SORCS3: variants seen among roughly 807,000 people sequenced by gnomAD.
SORCS3 encodes the protein sortilin related VPS10 domain containing receptor 3.
A neutral mutation model predicts 146.3 loss-of-function variants in SORCS3; 57 were observed. The observed-to-expected ratio is 0.39, with a 90% CI of 0.31 to 0.49. The LOEUF (loss-of-function observed/expected upper bound fraction) is 0.49, where lower values mean the gene tolerates loss of function less well. Among genes scored for constraint, SORCS3 ranks in the 20% least tolerant of loss-of-function variants. The pLI, the probability that SORCS3 is intolerant of heterozygous loss-of-function variation, is 0.92. For synonymous variants in SORCS3, 653 were observed against 618.5 expected (o/e 1.06, Z -0.83); for missense variants, 1,341 against 1,575.5 (o/e 0.85, Z 2.52).
chr10:105,182,346 C>T lies in SORCS3; in HGVS notation c.2009+4173C>T, dbSNP rs569367809. Among the ~76,000 whole-genome samples, 62 of 148,126 alleles carry T rather than the reference C, an allele frequency of 4.2e-4. 2 individuals are homozygous for T. In the South Asian group the frequency reaches 0.013, roughly 31 times the overall value. The stretch of plus-strand genomic sequence containing the variant: ...GGTAGATAGGATTGGCATCATTGGG[C>T]AGATGAGGACACTGAGGCTCAGCTC... On this transcript the variant is annotated intron_variant, in intron 14 of 26. Transcript: ENST00000369701.
At chr10:105,130,099 A>T (rs1475314980) in intron 7 of SORCS3, among the ~76,000 whole-genome samples, 1 of 152,184 alleles carries the variant, frequency 6.6e-6, no homozygotes, top group African/African-American at 2.4e-5. Flanking sequence ...GCAAGGCTAA[A>T]GCTCTTTCTA....
chr10:104,822,233 G>T, intron 1 of SORCS3: 1 of 377,660 alleles, frequency 2.6e-6, no homozygotes, highest in Non-Finnish European at 5.2e-6. Flanking sequence ...CATGGAGGGA[G>T]ATTGTTTAGA....
At chr10:104,959,786 G>A (rs1305396617) in intron 3 of SORCS3, among the ~76,000 whole-genome samples, 1 of 152,192 alleles carries the variant, frequency 6.6e-6, no homozygotes, top group Non-Finnish European at 1.5e-5. Flanking sequence ...GGGGGTAAAA[G>A]CACAGACCAA....
chr10:105,123,913 C>G (rs2055953910), intron 7 of SORCS3, among the ~76,000 whole-genome samples: 1 of 152,066 alleles, frequency 6.6e-6, no homozygotes, highest in Non-Finnish European at 1.5e-5. Context: ...GGATTTTCAT[C>G]TTTTATAGTT....
rs573888157 is a variant in SORCS3, at chr10:104,859,508, G to A, written c.695+16649G>A. Among the ~76,000 whole-genome samples, 218 of 152,272 alleles carry A rather than the reference G, an allele frequency of 1.4e-3. 1 individual carries two copies. Among genetic ancestry groups the A allele is most frequent in the Non-Finnish European group, 2.0e-3 (135 of 68,028 alleles). ...ATTACCATTCAGGACATAGGCATGG[G>A]CAAGGACTTCATGTCTAAAACACCA... is the stretch of plus-strand genomic sequence containing the variant. On this transcript the variant is annotated intron_variant, in intron 2 of 26. Transcript: ENST00000369701.
chr10:105,053,761 A>G (rs1369116803), intron 5 of SORCS3, among the ~76,000 whole-genome samples: 2 of 152,058 alleles, frequency 1.3e-5, no homozygotes, highest in Non-Finnish European at 2.9e-5. Flanking sequence ...GATATATAAT[A>G]AATGTAATCA....
chr10:105,234,322 A>AT (rs1430146160), intron 20 of SORCS3, among the ~76,000 whole-genome samples: 3 of 150,116 alleles, frequency 2.0e-5, no homozygotes, highest in South Asian at 2.1e-4. Context: ...TTAATCTTTG[A>AT]TTTTTTTTGT....
At chr10:105,245,707 G>A (rs2056861721) in intron 21 of SORCS3, 42 bp downstream of exon 21, 1 of 1,602,568 alleles carries the variant, frequency 6.2e-7, no homozygotes, top group Non-Finnish European at 8.5e-7. Flanking sequence ...TTCCCGCTCA[G>A]TTAATCTCCT....
In SORCS3 at chr10:104,723,876, C is replaced by T. The variant is rs1311054216; in HGVS notation, c.627+81922C>T. On this transcript the variant is annotated intron_variant, in intron 1 of 26. Transcript: ENST00000369701. ...TTTTGAGCCTATGTGTGTCTCTGCA[C>T]GTGAGATGGGTTTCCTGAATACAGC... Among the ~76,000 whole-genome samples the T allele has an allele frequency of 7.2e-5, 11 of 152,176 alleles. No individual in the cohort carries two copies. The South Asian group carries it at 1.0e-3, about 14-fold the overall frequency.
intron 3 of SORCS3, among the ~76,000 whole-genome samples, chr10:104,941,818 A>T (rs1406712199): frequency 1.1e-5 from 1 of 94,056 alleles, no homozygotes; most frequent in Non-Finnish European, 2.2e-5. Context: ...AAGCAAAGTA[A>T]AAAAAAAAGC....
chr10:105,122,403 G>A (rs1439647461), intron 7 of SORCS3, among the ~76,000 whole-genome samples: 7 of 152,192 alleles, frequency 4.6e-5, no homozygotes, highest in Admixed American at 4.6e-4. Context: ...ACTTCTTGGA[G>A]TTTCAGAGCA....
rs76236557 is a variant in SORCS3 at position 105,025,391 on chromosome 10, G to A, written c.955-17664G>A. ...GTCATGTCTATGGCACTACATTTACGGTGGCTATGGGCTTGCCTGTTTAGG... is the reference window on the plus strand; with the variant it reads ...GTCATGTCTATGGCACTACATTTACAGTGGCTATGGGCTTGCCTGTTTAGG... On this transcript the variant is annotated intron_variant, in intron 4 of 26. Coordinates refer to ENST00000369701, the MANE Select transcript of SORCS3 (RefSeq NM_014978.3). Among the ~76,000 whole-genome samples, 1,428 of 152,210 alleles carry A rather than the reference G, an allele frequency of 9.4e-3. 18 individuals are homozygous for A. The highest frequency in any genetic ancestry group is 0.032 in the African/African-American group (1,332 of 41,522).
intron 2 of SORCS3, among the ~76,000 whole-genome samples, chr10:104,845,042 C>T (rs933816208): frequency 6.6e-6 from 1 of 152,174 alleles, no homozygotes; most frequent in African/African-American, 2.4e-5. Flanking sequence ...ATTCCTCCAA[C>T]GTACCAACCA....
chr10:105,139,950 C>A (rs1465593778), intron 8 of SORCS3, among the ~76,000 whole-genome samples: 1 of 152,124 alleles, frequency 6.6e-6, no homozygotes, highest in African/African-American at 2.4e-5. Flanking sequence ...CCCCCTGCCA[C>A]CATGAGTAAT....
intron 6 of SORCS3, among the ~76,000 whole-genome samples, chr10:105,092,900 G>A (rs2055720186): frequency 6.6e-6 from 1 of 152,026 alleles, no homozygotes; most frequent in African/African-American, 2.4e-5. Context: ...CTTTCTCCCC[G>A]AAGAGCAGTA....
intron 1 of SORCS3, among the ~76,000 whole-genome samples, chr10:104,794,590 T>G (rs1324278110): frequency 8.3e-5 from 10 of 120,404 alleles, no homozygotes; most frequent in African/African-American, 2.0e-4. Flanking sequence ...GTAGATAGGG[T>G]GTGTGTGTGT....
intron 2 of SORCS3, among the ~76,000 whole-genome samples, chr10:104,898,431 A>C (rs1290580061): frequency 2.6e-5 from 4 of 152,170 alleles, no homozygotes; most frequent in African/African-American, 4.8e-5. Flanking sequence ...GGGTATCTCA[A>C]GTTAGCTTAA....
At chr10:104,800,291 A>T (rs1301196336) in intron 1 of SORCS3, among the ~76,000 whole-genome samples, 1 of 152,164 alleles carries the variant, frequency 6.6e-6, no homozygotes, top group African/African-American at 2.4e-5. Context: ...AAAACTTTGG[A>T]GACAGTAAAA....
chr10:104,651,007 C>A (rs2015552057), intron 1 of SORCS3, among the ~76,000 whole-genome samples: 1 of 152,120 alleles, frequency 6.6e-6, no homozygotes, highest in Non-Finnish European at 1.5e-5. Context: ...TGAACATTTT[C>A]AAGACTAGAA....
Sources: allele counts gnomAD v4.1 joint callset (sites outside exome capture counted in the v4.1 genomes callset), GRCh38; gene constraint gnomAD v4.1.1; transcripts MANE v1.5; gene names NCBI Gene and HGNC (gene_info 2026-07-23, HGNC 2026-07-21).